The following PLA2G4B variants were observed in gnomAD, a reference collection of about 807,000 sequenced individuals.
PLA2G4B encodes phospholipase A2 group IVB.
A neutral mutation model predicts 95.8 loss-of-function variants in PLA2G4B; 122 were observed. The observed-to-expected ratio is 1.27, with a 90% CI of 1.10 to 1.48. PLA2G4B has a LOEUF of 1.48. Ranked by LOEUF, PLA2G4B falls within the 40% of genes most tolerant of loss-of-function variation. PLA2G4B has a pLI of 0.00. For synonymous variants in PLA2G4B, 518 were observed against 421.5 expected, an observed-to-expected ratio of 1.23 and a Z score of -2.80; for missense variants, 1,158 against 996.2, an observed-to-expected ratio of 1.16 and a Z score of -2.19.
chr15:41,847,764 G>C lies in PLA2G4B; in HGVS notation c.2250G>C (p.Leu750=). The C allele has an allele frequency of 6.2e-7, 1 of 1,613,706 alleles. No homozygotes were observed. Among genetic ancestry groups the C allele is most frequent in the Admixed American group, 1.7e-5 (1 of 60,028 alleles). The change falls in exon 20 of 20, where the codon CTG becomes CTC. Residue 750 remains leucine, a synonymous_variant. Coordinates refer to ENST00000458483, the MANE Select transcript of PLA2G4B (RefSeq NM_001114633.2). The part of the protein sequence containing the change: ...TYSQEDVDKL[L]HLTHYNVCNN... ...GCCAGGAGGACGTGGACAAGCTGCT[G>C]CACCTGACACATTACAATGTCTGCA...
At chr15:41,843,415 C>T (rs1049621267) in intron 10 of PLA2G4B, among the ~76,000 whole-genome samples, 5 of 152,160 alleles carry the variant, frequency 3.3e-5, no homozygotes, top group Admixed American at 6.5e-5. Flanking sequence ...TGCCTGGGGG[C>T]CTGTCTGCAC....
At position 41,839,985 on chromosome 15, in the gene PLA2G4B, C is replaced by T. The variant is rs117305043; in HGVS notation, c.10-173C>T. On this transcript the variant is annotated intron_variant, in intron 1 of 19. Coordinates refer to ENST00000458483, the MANE Select transcript of PLA2G4B (RefSeq NM_001114633.2). ...AGAGCATTGTGTAAGTGCTGGCAGG[C>T]GTCATGATGGAGATATCATGTCTCC... 4.9e-4 allele frequency: 353 copies of T among 717,846 alleles called. 3 individuals are homozygous for T. In the East Asian group the frequency reaches 7.4e-3, roughly 15 times the overall value. 44.5% of individuals were successfully genotyped at this position (717,846 alleles called of 1,614,324 possible). A position where few individuals can be genotyped will look rare whatever the true frequency, so the allele number is the denominator to read the frequency against.
Position 41,845,029 on chromosome 15 carries a change from A to G in PLA2G4B, c.1198A>G (p.Asn400Asp), listed in dbSNP as rs777457944. The G allele has an allele frequency of 1.9e-6, 3 of 1,602,596 alleles. No individual in the cohort carries two copies. The Admixed American group carries it at 5.1e-5, about 27-fold the overall frequency. The change falls in exon 13 of 20, where the codon AAC (asparagine) becomes GAC (aspartate). Residue 400 changes from asparagine to aspartate, a missense_variant. Coordinates refer to ENST00000458483, the MANE Select transcript of PLA2G4B (RefSeq NM_001114633.2). ...ARLGYPSCFT[N>D]LWALINEALL... ...CTTGGGCTACCCAAGCTGCTTCACC[A>G]ACCTGTGGGCCCTCATCAACGAGGC...
chr15:41,842,938 G>A (rs529786047), intron 10 of PLA2G4B: 6 of 297,160 alleles, frequency 2.0e-5, no homozygotes, highest in Middle Eastern at 9.9e-4. Flanking sequence ...GGGAAATTGC[G>A]CCCTTTTGGG....
intron 10 of PLA2G4B, chr15:41,842,896 A>G: frequency 2.6e-6 from 1 of 387,200 alleles, no homozygotes; most frequent in South Asian, 3.7e-5. Flanking sequence ...TTTGGGGCGC[A>G]GAGAGGGCAG....
Position 41,845,630 on chromosome 15 carries a change from C to T in PLA2G4B, c.1358-8C>T, listed in dbSNP as rs777650660. The T allele has an allele frequency of 7.4e-6, 12 of 1,614,080 alleles. No individual in the cohort carries two copies. The highest frequency in any genetic ancestry group is 3.3e-5 in the South Asian group (3 of 91,074). On this transcript the variant is annotated splice_region_variant and splice_polypyrimidine_tract_variant and intron_variant, in intron 14 of 19. Transcript: ENST00000458483. ...GCACCATGAGGCTGAGGCGTGGACT[C>T]CTCACAGAGTGGTGCGAGTTCTCTC...
At position 41,843,937 on chromosome 15, in the gene PLA2G4B, C is replaced by T. The variant is rs1482394488; in HGVS notation, c.879+126C>T. 6 of 1,442,660 alleles carry T rather than the reference C, an allele frequency of 4.2e-6. No homozygotes were observed. In the African/African-American group the frequency reaches 5.7e-5, roughly 14 times the overall value. 89.4% of individuals were successfully genotyped at this position (1,442,660 alleles called of 1,614,324 possible). On this transcript the variant is annotated intron_variant, in intron 11 of 19. Coordinates refer to ENST00000458483, the MANE Select transcript of PLA2G4B (RefSeq NM_001114633.2). ...GTAGCTGCCTGTCCCCACCCTGCTT[C>T]CTCTCACCTGGTGTTAGCAGGGACT...
Position 41,846,240 on chromosome 15 carries a change from A to C in PLA2G4B, c.1638A>C (p.Pro546=), listed in dbSNP as rs750817413. ...TCCCCCTTCTGAAGATAGAAGAACCACCCTCAACAGCCGGCAGGATAGCTG... is the reference window on the plus strand; with the variant it reads ...TCCCCCTTCTGAAGATAGAAGAACCCCCCTCAACAGCCGGCAGGATAGCTG... ...EQVPLLKIEE[P]PSTAGRIAEF... is the part of the protein sequence containing the mutation. Residue 546 remains proline (P), a synonymous_variant, in exon 17 of 20, where the codon CCA becomes CCC. Transcript: ENST00000458483. 6.2e-7 allele frequency: 1 copy of C among 1,613,754 alleles called. No homozygotes were observed.
intron 2 of PLA2G4B, 144 bp from the exon 3 acceptor site, chr15:41,840,380 T>C (rs1383592450): frequency 1.9e-6 from 3 of 1,573,564 alleles, no homozygotes; most frequent in Non-Finnish European, 2.6e-6. Context: ...GGGTGGAAGG[T>C]GGCAGCTGGG....
In PLA2G4B at chr15:41,840,250, GC is replaced by G; in HGVS notation, c.82+24del. 1 of 1,612,136 alleles carries G rather than the reference GC, an allele frequency of 6.2e-7. No homozygotes were observed. Among genetic ancestry groups the G allele is most frequent in the Non-Finnish European group, 8.5e-7 (1 of 1,179,944 alleles). On this transcript the variant is annotated intron_variant, in intron 2 of 19. Coordinates refer to ENST00000458483, the MANE Select transcript of PLA2G4B (RefSeq NM_001114633.2). ...ACCTAGGTGAGTGCGCACCGCCCTG[GC>G]CCCTGTGCTGGGCTGAGGGAGGAGG...
At chr15:41,842,929 G>T (rs991943637) in intron 10 of PLA2G4B, 5 of 323,374 alleles carry the variant, frequency 1.5e-5, no homozygotes, top group Non-Finnish European at 2.8e-5. Context: ...AGAGAAGAGG[G>T]GAAATTGCGC....
intron 12 of PLA2G4B, 119 bp downstream of exon 12, chr15:41,844,726 G>T: frequency 6.4e-7 from 1 of 1,566,256 alleles, no homozygotes; most frequent in Non-Finnish European, 8.7e-7. Context: ...AGGGAGAAAC[G>T]TGCTCAAGGG....
At chr15:41,846,882 G>A (rs899800945) in intron 18 of PLA2G4B, 47 bp downstream of exon 18, 5 of 1,551,376 alleles carry the variant, frequency 3.2e-6, no homozygotes, top group Non-Finnish European at 4.4e-6. Flanking sequence ...GGTGGCCCCT[G>A]TCCCCTGAAG....
chr15:41,844,332 G>A (rs1370050473), intron 11 of PLA2G4B, 139 bp from the exon 12 acceptor site: 2 of 1,422,710 alleles, frequency 1.4e-6, no homozygotes, highest in African/African-American at 1.4e-5. Context: ...CCCCAGGGCT[G>A]ACTGAGAACT....
chr15:41,840,699 G>A (rs758927264), intron 3 of PLA2G4B, 39 bp downstream of exon 3: 1 of 1,603,894 alleles, frequency 6.2e-7, no homozygotes, highest in East Asian at 2.2e-5. Flanking sequence ...CCACATCCTC[G>A]CCAGCCACTG....
At chr15:41,842,520 G>A (rs372693391) in intron 9 of PLA2G4B, 34 bp from the exon 10 acceptor site, 40 of 1,611,348 alleles carry the variant, frequency 2.5e-5, no homozygotes, top group Middle Eastern at 3.4e-4. Flanking sequence ...GGAGGTGGCC[G>A]ACCTTTTGTG....
At chr15:41,844,643 G>A in intron 12 of PLA2G4B, 36 bp downstream of exon 12, 1 of 1,613,184 alleles carries the variant, frequency 6.2e-7, no homozygotes, top group Non-Finnish European at 8.5e-7. Context: ...GACCCTGTGT[G>A]GCAGGGGGTG....
chr15:41,845,055 G>A lies in PLA2G4B; in HGVS notation c.1224G>A (p.Ala408=), dbSNP rs377229608. The change falls in exon 13 of 20, where the codon GCG becomes GCA. Residue 408 remains alanine, a synonymous_variant. Transcript: ENST00000458483. ...ACCTGTGGGCCCTCATCAACGAGGC[G>A]CTGCTGCATGATGAGGTGCGGGGGC... ...FTNLWALINE[A]LLHDEPHDHK... 1.1e-4 allele frequency: 173 copies of A among 1,597,588 alleles called. No individual in the cohort carries two copies. The African/African-American group carries it at 1.2e-3, about 12-fold the overall frequency.
In PLA2G4B at chr15:41,842,559, C is replaced by T. The variant is rs1301048759; in HGVS notation, c.711C>T (p.Pro237=). The change falls in exon 10 of 20, where the codon CCC becomes CCT. Residue 237 remains proline, a synonymous_variant. Coordinates refer to ENST00000458483, the MANE Select transcript of PLA2G4B (RefSeq NM_001114633.2). ...VRLVFPTSQE[P]LMRVELKKEA... ...GGGGCCTTCACGGTTTTCAGGAGCCCCTGATGAGAGTGGAGCTGAAAAAAG... is the reference window on the plus strand; with the variant it reads ...GGGGCCTTCACGGTTTTCAGGAGCCTCTGATGAGAGTGGAGCTGAAAAAAG... 6.2e-7 allele frequency: 1 copy of T among 1,610,752 alleles called. No homozygotes were observed. Among genetic ancestry groups the T allele is most frequent in the Non-Finnish European group, 8.5e-7 (1 of 1,179,116 alleles).
Sources: gnomAD v4.1 joint callset for allele counts (sites outside exome capture counted in the v4.1 genomes callset) on GRCh38, gnomAD v4.1.1 for gene constraint, MANE v1.5 for transcripts, NCBI Gene and HGNC (gene_info 2026-07-23, HGNC 2026-07-21) for gene names.